Variants in PDE4D observed in about 807,000 individuals in gnomAD.
PDE4D encodes phosphodiesterase 4D, also known as 3',5'-cyclic-AMP phosphodiesterase 4D.
Under a neutral mutation model 87.4 loss-of-function variants are expected in PDE4D, and 24 were observed. That is an observed-to-expected ratio of 0.27 (90% CI 0.20 to 0.39). PDE4D has a LOEUF of 0.39. Ranked by LOEUF, PDE4D falls within the 10% of genes least tolerant of loss-of-function variation. The pLI is 1.00. For missense variants in PDE4D, 714 were observed against 1,041.0 expected (o/e 0.69, Z 4.32); for synonymous variants, 384 against 383.2 (o/e 1.00, Z -0.02).
At chr5:60,488,873 G>A (rs1228091618), upstream of PDE4D, among the ~76,000 whole-genome samples, 4 of 152,162 alleles carry the variant, frequency 2.6e-5, no homozygotes, top group Non-Finnish European at 4.4e-5. Context: ...AATGTTCCAT[G>A]GTAGAAGGGT....
At chr5:60,129,193 C>A (rs756663281) in intron 2 of PDE4D, among the ~76,000 whole-genome samples, 2 of 152,170 alleles carry the variant, frequency 1.3e-5, no homozygotes, top group African/African-American at 2.4e-5. Flanking sequence ...TTTTATATAA[C>A]AACATGCAAG....
At chr5:59,561,416 A>C (rs752864279) in intron 1 of PDE4D, among the ~76,000 whole-genome samples, 2 of 152,212 alleles carry the variant, frequency 1.3e-5, no homozygotes, top group African/African-American at 4.8e-5. Flanking sequence ...TCCTTGTTAA[A>C]AGTATTCACC....
chr5:59,025,123 G>T (rs1242566001), intron 6 of PDE4D, among the ~76,000 whole-genome samples: 1 of 151,920 alleles, frequency 6.6e-6, no homozygotes, highest in Non-Finnish European at 1.5e-5. Context: ...CCTCTTTTGT[G>T]AAATGGGTTT....
intron 1 of PDE4D, among the ~76,000 whole-genome samples, chr5:60,435,844 G>A (rs1374206708): frequency 6.6e-6 from 1 of 152,066 alleles, no homozygotes; most frequent in Non-Finnish European, 1.5e-5. Context: ...TTTAGGACAA[G>A]TTGAGTGTTC....
chr5:58,990,107 C>T (rs774082479), intron 9 of PDE4D, among the ~76,000 whole-genome samples, 188 bp from the exon 10 acceptor site: 3 of 152,070 alleles, frequency 2.0e-5, no homozygotes, highest in Non-Finnish European at 2.9e-5. Context: ...TGGGACAAAA[C>T]CAGAGTTGGG....
chr5:59,615,069 A>C (rs905118126), intron 1 of PDE4D, among the ~76,000 whole-genome samples: 3 of 152,110 alleles, frequency 2.0e-5, no homozygotes, highest in Admixed American at 1.3e-4. Flanking sequence ...AGCTCAAGCG[A>C]TCTGCAGGCC....
intron 1 of PDE4D, among the ~76,000 whole-genome samples, chr5:60,315,104 A>T (rs895821006): frequency 1.3e-5 from 2 of 152,214 alleles, no homozygotes; most frequent in Admixed American, 1.3e-4. Flanking sequence ...TCCCAACAAC[A>T]GTGTAAAAGT....
At chr5:59,592,665 G>C (rs960250415) in intron 1 of PDE4D, among the ~76,000 whole-genome samples, 1 of 151,732 alleles carries the variant, frequency 6.6e-6, no homozygotes, top group Non-Finnish European at 1.5e-5. Flanking sequence ...TAGAATGCTT[G>C]TTAAATTTTA....
intron 1 of PDE4D, among the ~76,000 whole-genome samples, chr5:59,514,767 G>T (rs1291826943): frequency 6.6e-6 from 1 of 152,148 alleles, no homozygotes; most frequent in Non-Finnish European, 1.5e-5. Flanking sequence ...TCATCAGTAA[G>T]ATGCTGATTA....
chr5:59,798,515 T>C (rs966714256), intron 1 of PDE4D, among the ~76,000 whole-genome samples: 2 of 151,976 alleles, frequency 1.3e-5, no homozygotes, highest in African/African-American at 4.8e-5. Context: ...TAAATGCCAT[T>C]AAGTAAGAAA....
intron 2 of PDE4D, among the ~76,000 whole-genome samples, chr5:60,100,653 C>T (rs1409367409): frequency 6.6e-6 from 1 of 152,096 alleles, no homozygotes; most frequent in African/African-American, 2.4e-5. Context: ...CCACTCTTCT[C>T]AGGGTTCTTC....
intron 1 of PDE4D, among the ~76,000 whole-genome samples, chr5:59,588,824 C>T (rs1381531371): frequency 6.6e-6 from 1 of 152,140 alleles, no homozygotes; most frequent in Non-Finnish European, 1.5e-5. Context: ...AGGCAGTGTC[C>T]TCATGACCCC....
chr5:59,473,080 C>T (rs1347249690), intron 1 of PDE4D, among the ~76,000 whole-genome samples: 11 of 92,002 alleles, frequency 1.2e-4, no homozygotes, highest in Admixed American at 1.1e-3. Flanking sequence ...TCTGCTTTCT[C>T]ATGAAAAAAA....
intron 1 of PDE4D, among the ~76,000 whole-genome samples, chr5:59,610,646 C>T (rs1828874202): frequency 6.6e-6 from 1 of 152,118 alleles, no homozygotes; most frequent in Non-Finnish European, 1.5e-5. Context: ...AAGATGTGAG[C>T]AGTTCAGCTG....
intron 1 of PDE4D, among the ~76,000 whole-genome samples, chr5:60,281,547 T>C (rs1486987616): frequency 6.6e-6 from 1 of 152,206 alleles, no homozygotes; most frequent in Middle Eastern, 3.2e-3. Flanking sequence ...TTACAAAGAA[T>C]TATTCTAAAT....
rs3763084 is a variant in PDE4D, at chr5:58,976,289, G to A, written c.1830+61C>T. ...AATACATCTTATCAAAGCTGAACAC[G>A]CAGACATGTGCACATGTGCACAGAC... On this transcript the variant is annotated intron_variant, in intron 13 of 14. Coordinates refer to ENST00000340635, the MANE Select transcript of PDE4D (RefSeq NM_001104631.2). 0.16 allele frequency: 251,721 copies of A among 1,544,322 alleles called. 21,191 individuals are homozygous for A. The highest frequency in any genetic ancestry group is 0.2 in the Admixed American group (10,775 of 53,724).
chr5:59,215,991 T>G (rs757152928), intron 1 of PDE4D, 23 bp from the exon 2 acceptor site: 27 of 1,553,206 alleles, frequency 1.7e-5, no homozygotes, highest in African/African-American at 2.7e-5. Context: ...GAGAAGGAAT[T>G]ATGTTGCTGT....
intron 2 of PDE4D, among the ~76,000 whole-genome samples, chr5:60,094,521 C>CTT (rs1228921944): frequency 1.4e-5 from 2 of 142,600 alleles, no homozygotes; most frequent in African/African-American, 5.1e-5. Flanking sequence ...GAGATAAAGT[C>CTT]TTTACAGAGG....
chr5:59,474,125 A>T (rs1260152439), intron 1 of PDE4D, among the ~76,000 whole-genome samples: 1 of 152,130 alleles, frequency 6.6e-6, no homozygotes, highest in African/African-American at 2.4e-5. Flanking sequence ...CAAGGGCTAG[A>T]CTGTAGATGG....
Sources: gnomAD v4.1 joint callset for allele counts (sites outside exome capture counted in the v4.1 genomes callset) on GRCh38, gnomAD v4.1.1 for gene constraint, MANE v1.5 for transcripts, NCBI Gene and HGNC (gene_info 2026-07-23, HGNC 2026-07-21) for gene names.